The following CKLF variants were observed in gnomAD, a reference collection of about 807,000 sequenced individuals.
CKLF encodes the protein chemokine like factor, also known as chemokine-like factor.
A neutral mutation model predicts 12.9 loss-of-function variants in CKLF; 16 were observed. The observed-to-expected ratio is 1.24, with a 90% CI of 0.84 to 1.88. The LOEUF (loss-of-function observed/expected upper bound fraction) is 1.88, where lower values mean the gene tolerates loss of function less well. CKLF is among the 40% of genes most tolerant of loss of function. The pLI is 0.00. For missense variants in CKLF, 172 were observed against 188.5 expected, an observed-to-expected ratio of 0.91 and a Z score of 0.51; for synonymous variants, 61 against 69.0, an observed-to-expected ratio of 0.88 and a Z score of 0.57.
At chr16:66,554,535 C>T (rs145537729) in intron 1 of CKLF, among the ~76,000 whole-genome samples, 31 of 152,306 alleles carry the variant, frequency 2.0e-4, no homozygotes, top group African/African-American at 7.2e-4. Context: ...AACAAAGATC[C>T]CTGCCCTCGT....
intron 1 of CKLF, among the ~76,000 whole-genome samples, chr16:66,554,161 T>G (rs996840187): frequency 2.0e-5 from 3 of 152,224 alleles, no homozygotes; most frequent in African/African-American, 7.2e-5. Flanking sequence ...TGGTCCAAAC[T>G]CTGGGCTAGG....
chr16:66,557,581 A>G (rs1208017640), intron 1 of CKLF, among the ~76,000 whole-genome samples: 1 of 152,254 alleles, frequency 6.6e-6, no homozygotes, highest in African/African-American at 2.4e-5. Flanking sequence ...ATGGATGGTA[A>G]GAAATTATAG....
At chr16:66,562,015 T>G (rs892470294) in intron 2 of CKLF, among the ~76,000 whole-genome samples, 1 of 152,182 alleles carries the variant, frequency 6.6e-6, no homozygotes, top group Non-Finnish European at 1.5e-5. Context: ...ATCCATTGCA[T>G]AGAGATGTCT....
chr16:66,564,167 C>CTCAT (rs1351308816), intron 3 of CKLF, among the ~76,000 whole-genome samples: 1 of 152,212 alleles, frequency 6.6e-6, no homozygotes, highest in Non-Finnish European at 1.5e-5. Flanking sequence ...CACTTTTTTA[C>CTCAT]TCATTCATTC....
chr16:66,565,801 T>A, intron 3 of CKLF, 85 bp from the exon 4 acceptor site: 2 of 1,250,770 alleles, frequency 1.6e-6, no homozygotes, highest in East Asian at 4.6e-5. Flanking sequence ...AAGAGAGGAA[T>A]CTGGTGGGCA....
rs16970047 is a variant in CKLF, at chr16:66,554,518, G to GA, written c.78+1733dup. On this transcript the variant is annotated intron_variant, in intron 1 of 3. Coordinates refer to ENST00000264001, the MANE Select transcript of CKLF (RefSeq NM_016951.4). ...TTCCAGGCTCTTGAAAAATACTAGTGAAAAAAAACAAAGATCCCTGCCCTC... is the reference window on the plus strand; with the variant it reads ...TTCCAGGCTCTTGAAAAATACTAGTGAAAAAAAAACAAAGATCCCTGCCCTC... Among the ~76,000 whole-genome samples, 479 of 152,036 alleles carry GA rather than the reference G, an allele frequency of 3.2e-3. 4 individuals carry two copies. The Middle Eastern group carries it at 0.041, about 13-fold the overall frequency.
chr16:66,558,135 A>AAATTTT, intron 1 of CKLF, 55 bp from the exon 2 acceptor site: 1 of 1,587,258 alleles, frequency 6.3e-7, no homozygotes, highest in African/African-American at 1.4e-5. Context: ...TCATTTTTAC[A>AAATTTT]GTTTAAATTT....
intron 1 of CKLF, chr16:66,553,543 C>T (rs1045327628): frequency 6.6e-6 from 1 of 152,172 alleles, no homozygotes; most frequent in African/African-American, 2.4e-5. Flanking sequence ...GGAAACTATC[C>T]TAGTTGAAGG....
At chr16:66,555,277 G>A (rs2011390285) in intron 1 of CKLF, among the ~76,000 whole-genome samples, 1 of 152,162 alleles carries the variant, frequency 6.6e-6, no homozygotes, top group East Asian at 1.9e-4. Flanking sequence ...GTTAACAGTA[G>A]ATTGGTAGGG....
At position 66,563,282 on chromosome 16, in the gene CKLF, C is replaced by T. The variant is rs570837577; in HGVS notation, c.333+65C>T. ...TCAGAATGCAAATTTACTTGGAAAA[C>T]AGATGTAAGAATAGAAAGCTATACT... On this transcript the variant is annotated intron_variant, in intron 3 of 3. Coordinates refer to ENST00000264001, the MANE Select transcript of CKLF (RefSeq NM_016951.4). 4 of 1,573,388 alleles carry T rather than the reference C, an allele frequency of 2.5e-6. No individual in the cohort carries two copies. In the East Asian group the frequency reaches 6.8e-5, roughly 27 times the overall value.
rs1393069677 is a variant in CKLF, at chr16:66,552,811, AGGGCGGGAGGCTGATGAAGCTGCTGGG to A, written c.78+28_78+54del. On this transcript the variant is annotated intron_variant, in intron 1 of 3. Transcript: ENST00000264001. ...TGCGGCTGGTGAGGCCGGGCCGCGG[AGGGCGGGAGGCTGATGAAGCTGCTGGG>A]GGGCGGGAGATGTGGGTGTGAAGTG... The A allele has an allele frequency of 3.7e-6, 6 of 1,613,744 alleles. No individual in the cohort carries two copies. Among genetic ancestry groups the A allele is most frequent in the Non-Finnish European group, 4.2e-6 (5 of 1,179,868 alleles).
In CKLF at chr16:66,565,903, A is replaced by G. The variant is rs774227592; in HGVS notation, c.351A>G (p.Thr117=). The stretch of plus-strand genomic sequence containing the variant: ...CTTTCCAGGTGTTTGCACTTGTGAC[A>G]GCAGTATGCTGTCTTGCCGACGGGG... ...TVGGGVFALV[T]AVCCLADGAL... is the part of the protein sequence containing the mutation. The change falls in exon 4 of 4, where the codon ACA becomes ACG. Residue 117 remains threonine, a synonymous_variant. Coordinates refer to ENST00000264001, the MANE Select transcript of CKLF (RefSeq NM_016951.4). The G allele has an allele frequency of 2.5e-6, 4 of 1,614,062 alleles. No homozygotes were observed. The highest frequency in any genetic ancestry group is 2.7e-5 in the African/African-American group (2 of 74,932).
chr16:66,553,962 G>C (rs1015395434), intron 1 of CKLF, among the ~76,000 whole-genome samples: 2 of 152,186 alleles, frequency 1.3e-5, no homozygotes, highest in Non-Finnish European at 2.9e-5. Context: ...CTGGAGTTGA[G>C]GGAAGGAGAA....
chr16:66,561,682 A>G (rs989070933), intron 2 of CKLF, among the ~76,000 whole-genome samples: 2 of 152,320 alleles, frequency 1.3e-5, no homozygotes, highest in South Asian at 2.1e-4. Context: ...TCTCCTACAA[A>G]TGAGAACTTT....
intron 2 of CKLF, 192 bp downstream of exon 2, chr16:66,558,540 G>T (rs752257881): frequency 2.7e-5 from 18 of 654,576 alleles, no homozygotes; most frequent in Admixed American, 1.5e-4. Flanking sequence ...GGCAGCCACA[G>T]AGCATAAGTT....
chr16:66,563,354 T>C, intron 3 of CKLF, 137 bp downstream of exon 3: 1 of 1,017,108 alleles, frequency 9.8e-7, no homozygotes, highest in Non-Finnish European at 1.4e-6. Flanking sequence ...GCCTAGTGGC[T>C]TAATATTTTT....
rs754417210 is a variant in CKLF at position 66,552,801 on chromosome 16, C to T, written c.78+8C>T. ...GTGAAGATGCTGCGGCTGGTGAGGC[C>T]GGGCCGCGGAGGGCGGGAGGCTGAT... On this transcript the variant is annotated splice_region_variant and intron_variant, in intron 1 of 3. Coordinates refer to ENST00000264001, the MANE Select transcript of CKLF (RefSeq NM_016951.4). The T allele has an allele frequency of 2.5e-5, 40 of 1,613,704 alleles. No homozygotes were observed. Among genetic ancestry groups the T allele is most frequent in the Non-Finnish European group, 3.2e-5 (38 of 1,179,886 alleles).
intron 2 of CKLF, 80 bp from the exon 3 acceptor site, chr16:66,563,042 G>GTT (rs769291628): frequency 1.3e-6 from 2 of 1,545,620 alleles, no homozygotes; most frequent in Admixed American, 3.5e-5. Context: ...TGTTGTTGTT[G>GTT]TTTTTTTGTT....
intron 3 of CKLF, chr16:66,565,633 C>A: frequency 2.0e-6 from 1 of 490,440 alleles, no homozygotes; most frequent in Non-Finnish European, 3.6e-6. Flanking sequence ...ATTTCAGAGC[C>A]CACACTGCTT....
Sources: gnomAD v4.1 joint callset for allele counts (sites outside exome capture counted in the v4.1 genomes callset) on GRCh38, gnomAD v4.1.1 for gene constraint, MANE v1.5 for transcripts, NCBI Gene and HGNC (gene_info 2026-07-23, HGNC 2026-07-21) for gene names.